DLEC1: variants seen among roughly 807,000 people sequenced by gnomAD.
The protein encoded by DLEC1 is deleted in lung and esophageal cancer protein 1.
A neutral mutation model predicts 198.1 loss-of-function variants in DLEC1; 146 were observed. The ratio of observed to expected loss-of-function variants is 0.74; its 90% CI spans 0.64 to 0.85. The LOEUF (loss-of-function observed/expected upper bound fraction) is 0.85, where lower values mean the gene tolerates loss of function less well. Among genes scored for constraint, DLEC1 ranks in the 40% least tolerant of loss-of-function variants. The pLI is 0.00. For missense variants in DLEC1, 2,233 were observed against 2,220.0 expected, an observed-to-expected ratio of 1.01 and a Z score of -0.12; for synonymous variants, 897 against 866.8, an observed-to-expected ratio of 1.03 and a Z score of -0.61.
chr3:38,064,015 T>TC (rs1462568878), intron 6 of DLEC1, 96 bp downstream of exon 6: 7 of 899,956 alleles, frequency 7.8e-6, no homozygotes, highest in Non-Finnish European at 1.0e-5. Context: ...TTCTTTTTTT[T>TC]TTTTTTTTTA....
At chr3:38,099,913 G>T (rs1363313381) in intron 18 of DLEC1, among the ~76,000 whole-genome samples, 3 of 152,176 alleles carry the variant, frequency 2.0e-5, no homozygotes, top group African/African-American at 4.8e-5. Flanking sequence ...TAGTGACCTG[G>T]TGGCTTTCCT....
chr3:38,106,638 C>G (rs575607122), intron 19 of DLEC1, among the ~76,000 whole-genome samples: 19 of 151,986 alleles, frequency 1.3e-4, no homozygotes, highest in African/African-American at 4.1e-4. Flanking sequence ...TGCCTGTAGT[C>G]CCAGCTACTC....
intron 6 of DLEC1, among the ~76,000 whole-genome samples, chr3:38,082,652 G>T (rs1366608862): frequency 1.3e-5 from 2 of 151,562 alleles, no homozygotes; most frequent in African/African-American, 2.4e-5. Flanking sequence ...GGGGTTGAGG[G>T]GTACTTGCCC....
chr3:38,102,776 C>G (rs1056540015), intron 19 of DLEC1, among the ~76,000 whole-genome samples: 6 of 152,140 alleles, frequency 3.9e-5, no homozygotes, highest in Non-Finnish European at 5.9e-5. Context: ...TGGAGAAAAC[C>G]CATACTGGGC....
intron 2 of DLEC1, among the ~76,000 whole-genome samples, chr3:38,048,287 G>T (rs1467913112): frequency 6.6e-6 from 1 of 152,120 alleles, no homozygotes; most frequent in African/African-American, 2.4e-5. Context: ...TCCCCACAAA[G>T]ACCTTGACCT....
intron 6 of DLEC1, among the ~76,000 whole-genome samples, chr3:38,073,749 A>C (rs1697452377): frequency 6.6e-6 from 1 of 152,166 alleles, no homozygotes; most frequent in Non-Finnish European, 1.5e-5. Context: ...GTCAGTACCT[A>C]CAACAGTTAT....
chr3:38,100,594 T>A (rs180726787), intron 19 of DLEC1, among the ~76,000 whole-genome samples, 169 bp downstream of exon 19: 40 of 152,340 alleles, frequency 2.6e-4, no homozygotes, highest in African/African-American at 8.2e-4. Context: ...AAATGACGCA[T>A]AATCCATTCC....
At chr3:38,080,303 G>A (rs1697898029) in intron 6 of DLEC1, among the ~76,000 whole-genome samples, 1 of 152,006 alleles carries the variant, frequency 6.6e-6, no homozygotes, top group Non-Finnish European at 1.5e-5. Flanking sequence ...AGAAGAATTG[G>A]GACCTAGCTT....
intron 10 of DLEC1, among the ~76,000 whole-genome samples, chr3:38,090,809 C>T (rs55678934): frequency 0.12 from 18,642 of 152,096 alleles, 1,576 homozygotes; most frequent in African/African-American, 0.23. Flanking sequence ...TGTTCATGGA[C>T]GTTGTATATA....
At chr3:38,103,877 G>A (rs768121377) in intron 19 of DLEC1, 4 of 152,154 alleles carry the variant, frequency 2.6e-5, no homozygotes, top group African/African-American at 7.2e-5. Flanking sequence ...GCCCATTATC[G>A]TATATGATTG....
intron 6 of DLEC1, among the ~76,000 whole-genome samples, chr3:38,069,355 A>T (rs1014171777): frequency 6.6e-6 from 1 of 152,230 alleles, no homozygotes; most frequent in African/African-American, 2.4e-5. Flanking sequence ...GACTAGAAAA[A>T]GAGGGAATGT....
chr3:38,078,608 C>T (rs1575157098), intron 6 of DLEC1, among the ~76,000 whole-genome samples: 1 of 152,242 alleles, frequency 6.6e-6, no homozygotes, highest in East Asian at 1.9e-4. Flanking sequence ...GAAATTTGGG[C>T]TTGACTGAAG....
chr3:38,088,414 T>G, intron 10 of DLEC1, 26 bp downstream of exon 10: 1 of 1,590,350 alleles, frequency 6.3e-7, no homozygotes, highest in Non-Finnish European at 8.6e-7. Flanking sequence ...TTGGCATGTA[T>G]TTCCTCAACT....
In DLEC1 at chr3:38,093,782, T is replaced by C; in HGVS notation, c.1919+15T>C. ...AGAAATGCTACGTGGGTAACCCCTGTGTGTGCCCCAATACCCAACCCTTCT... is the reference window on the plus strand; with the variant it reads ...AGAAATGCTACGTGGGTAACCCCTGCGTGTGCCCCAATACCCAACCCTTCT... On this transcript the variant is annotated intron_variant, in intron 12 of 36. Transcript: ENST00000308059. The C allele has an allele frequency of 6.2e-7, 1 of 1,613,262 alleles. No individual in the cohort carries two copies. Among genetic ancestry groups the C allele is most frequent in the Non-Finnish European group, 8.5e-7 (1 of 1,179,822 alleles).
chr3:38,100,326 ACT>A lies in DLEC1; in HGVS notation c.2770_2771del (p.Leu924GlyfsTer38). 1 of 1,612,666 alleles carries A rather than the reference ACT, an allele frequency of 6.2e-7. No individual in the cohort carries two copies. The highest frequency in any genetic ancestry group is 8.5e-7 in the Non-Finnish European group (1 of 1,179,642). On this transcript the variant is annotated frameshift_variant, in exon 19 of 37. Transcript: ENST00000308059. LOFTEE classifies it high-confidence loss of function. ...ATTGAGCCTTCGAGTGGCCAGCTTC[ACT>A]CTCTGGGGGAGTGCAGGGTGGACAT...
In DLEC1 at chr3:38,122,096, T is replaced by C. The variant is rs1575250698; in HGVS notation, c.5046T>C (p.Ala1682=). The change falls in exon 36 of 37, where the codon GCT becomes GCC. Residue 1682 remains alanine (A), a synonymous_variant. Transcript: ENST00000308059. ...LMGQQEPAKA[A]VAFRVSPNSG... is the part of the protein sequence containing the mutation. ...GCCAGCAGGAGCCAGCCAAGGCCGC[T>C]GTGGCCTTCAGGGTCTCCCCAAACA... 1 of 1,614,120 alleles carries C rather than the reference T, an allele frequency of 6.2e-7. No individual in the cohort carries two copies. The highest frequency in any genetic ancestry group is 8.5e-7 in the Non-Finnish European group (1 of 1,179,972).
At chr3:38,097,087 C>T (rs1303013184) in intron 15 of DLEC1, 95 bp from the exon 16 acceptor site, 2 of 1,230,660 alleles carry the variant, frequency 1.6e-6, no homozygotes, top group South Asian at 1.5e-5. Context: ...GTCATATGGA[C>T]TCTTTACGAG....
intron 2 of DLEC1, among the ~76,000 whole-genome samples, chr3:38,056,464 G>C (rs13326547): frequency 0.013 from 1,957 of 151,950 alleles, 38 homozygotes; most frequent in African/African-American, 0.043. Context: ...CATGTGCCAC[G>C]AGGCCTGGCT....
Position 38,108,510 on chromosome 3 carries a change from AC to A in DLEC1, c.3127del (p.Gln1043ArgfsTer4). 6.2e-7 allele frequency: 1 copy of A among 1,613,708 alleles called. No homozygotes were observed. The highest frequency in any genetic ancestry group is 2.2e-5 in the East Asian group (1 of 44,878). On this transcript the variant is annotated frameshift_variant, in exon 21 of 37. Coordinates refer to ENST00000308059, the MANE Select transcript of DLEC1 (RefSeq NM_007335.4). LOFTEE classifies it high-confidence loss of function. ...CQLKLELTAHTQEELTHLALP... is the reference protein window; with the variant it reads ...CQLKLELTAHXQEELTHLALP... ...GCTCAAGTTGGAGTTGACTGCTCAT[AC>A]CCAGGTGAGTAAGGCAATGTAGGGC...
Sources: allele counts gnomAD v4.1 joint callset (sites outside exome capture counted in the v4.1 genomes callset), GRCh38; gene constraint gnomAD v4.1.1; transcripts MANE v1.5; gene names NCBI Gene and HGNC (gene_info 2026-07-23, HGNC 2026-07-21).